The following UGGT1 variants were observed in gnomAD, a reference collection of about 807,000 sequenced individuals.
UGGT1 encodes UDP-glucose:glycoprotein glucosyltransferase 1.
Under a neutral mutation model 203.9 loss-of-function variants are expected in UGGT1, and 107 were observed. The observed-to-expected ratio is 0.52, with a 90% CI of 0.45 to 0.62. The LOEUF (loss-of-function observed/expected upper bound fraction) is 0.62. UGGT1 is among the 20% of genes least tolerant of loss of function. The pLI is 0.00. For synonymous variants in UGGT1, 628 were observed against 653.5 expected, an observed-to-expected ratio of 0.96 and a Z score of 0.59; for missense variants, 1,673 against 1,867.2, an observed-to-expected ratio of 0.90 and a Z score of 1.92.
intron 29 of UGGT1, 34 bp downstream of exon 29, chr2:128,172,796 T>A (rs1471021881): frequency 6.3e-7 from 1 of 1,585,622 alleles, no homozygotes; most frequent in South Asian, 1.1e-5. Flanking sequence ...AAATACCTAA[T>A]CATGTATAAT....
intron 36 of UGGT1, 83 bp from the exon 37 acceptor site, chr2:128,182,047 A>T: frequency 7.0e-7 from 1 of 1,421,272 alleles, no homozygotes; most frequent in Non-Finnish European, 9.7e-7. Flanking sequence ...ATGCTGCCTT[A>T]AGCGAGCCAC....
chr2:128,111,742 G>A (rs1001590738), intron 5 of UGGT1, among the ~76,000 whole-genome samples: 41 of 151,962 alleles, frequency 2.7e-4, no homozygotes, highest in African/African-American at 8.2e-4. Context: ...TGATCCGCCC[G>A]CCTCGGCCTC....
intron 20 of UGGT1, 36 bp from the exon 21 acceptor site, chr2:128,156,356 C>A (rs749751025): frequency 2.6e-6 from 4 of 1,541,338 alleles, no homozygotes; most frequent in African/African-American, 1.4e-5. Flanking sequence ...AGAAATGATA[C>A]TTTTTTTCTA....
chr2:128,168,037 C>A (rs1405154042), intron 26 of UGGT1, among the ~76,000 whole-genome samples: 1 of 152,172 alleles, frequency 6.6e-6, no homozygotes, highest in Non-Finnish European at 1.5e-5. Context: ...ATGCTATTTT[C>A]TAATGAGTTT....
Position 128,194,621 on chromosome 2 carries a change from A to G in UGGT1, c.*4879A>G, listed in dbSNP as rs1349079201. 2.6e-5 allele frequency: 4 copies of G among 152,294 alleles called. No individual in the cohort carries two copies. The highest frequency in any genetic ancestry group is 2.1e-4 in the South Asian group (1 of 4,826). 9.4% of individuals were successfully genotyped at this position (152,294 alleles called of 1,614,324 possible). A position where few individuals can be genotyped will look rare whatever the true frequency, so the allele number is the denominator to read the frequency against. ...TTTAAGTACTTGATTTTATGGGCAC[A>G]TTTTTGTGGGATGATTGGAGTTAAT... On this transcript the variant is annotated 3_prime_UTR_variant, in exon 41 of 41. Coordinates refer to ENST00000259253, the MANE Select transcript of UGGT1 (RefSeq NM_020120.4).
At chr2:128,103,095 G>C (rs1687453164) in intron 2 of UGGT1, 1 of 471,010 alleles carries the variant, frequency 2.1e-6, no homozygotes, top group Non-Finnish European at 4.4e-6. Flanking sequence ...AGTAGAGTGA[G>C]ATTGTACACC....
intron 12 of UGGT1, among the ~76,000 whole-genome samples, chr2:128,128,693 T>C (rs1040752524): frequency 1.3e-5 from 2 of 152,212 alleles, no homozygotes; most frequent in African/African-American, 2.4e-5. Context: ...TGTGGTCATA[T>C]GTTTGCCTCT....
chr2:128,178,663 T>C (rs1691523749), intron 34 of UGGT1, 94 bp downstream of exon 34: 2 of 1,074,538 alleles, frequency 1.9e-6, no homozygotes, highest in Non-Finnish European at 2.7e-6. Context: ...CTGCTCATTA[T>C]ACTCCTGTGT....
At chr2:128,144,578 T>TC (rs1352407316) in intron 17 of UGGT1, among the ~76,000 whole-genome samples, 2 of 152,206 alleles carry the variant, frequency 1.3e-5, no homozygotes, top group African/African-American at 4.8e-5. Context: ...TATGAAATAG[T>TC]CGAGATGTCA....
intron 18 of UGGT1, among the ~76,000 whole-genome samples, chr2:128,149,735 G>A (rs1363823077): frequency 1.3e-5 from 2 of 150,530 alleles, no homozygotes; most frequent in African/African-American, 4.9e-5. Flanking sequence ...AAGTGCAGCC[G>A]AGATTGCGCC....
chr2:128,091,547 T>C, intron 1 of UGGT1, 132 bp downstream of exon 1: 1 of 1,444,502 alleles, frequency 6.9e-7, no homozygotes. Flanking sequence ...TCCTATCCCT[T>C]CCCCTATTCG....
At chr2:128,172,290 A>G (rs1558817735) in intron 28 of UGGT1, among the ~76,000 whole-genome samples, 1 of 152,162 alleles carries the variant, frequency 6.6e-6, no homozygotes, top group East Asian at 1.9e-4. Context: ...GCTGAGTATG[A>G]GCTAGAGTAC....
intron 18 of UGGT1, among the ~76,000 whole-genome samples, chr2:128,150,829 A>G (rs540642548): frequency 1.3e-5 from 2 of 152,146 alleles, no homozygotes; most frequent in East Asian, 3.9e-4. Context: ...CACAAGGCAC[A>G]GCTTACTTGT....
intron 15 of UGGT1, among the ~76,000 whole-genome samples, chr2:128,137,328 G>A (rs1689173151): frequency 6.6e-6 from 1 of 152,206 alleles, no homozygotes; most frequent in Non-Finnish European, 1.5e-5. Flanking sequence ...CTGAAGTGGA[G>A]GATTGTTTGA....
At position 128,152,750 on chromosome 2, in the gene UGGT1, C is replaced by A. The variant is rs60286050; in HGVS notation, c.2017-34C>A. 2.0e-3 allele frequency: 3,116 copies of A among 1,561,134 alleles called. 51 individuals are homozygous for A. In the African/African-American group the frequency reaches 0.033, roughly 17 times the overall value. On this transcript the variant is annotated intron_variant, in intron 18 of 40. Transcript: ENST00000259253. ...TTATTATTGCTAAAATTTGCTTTAC[C>A]CTCCCCCCTCAACCTCCTTTTTTTT...
intron 28 of UGGT1, among the ~76,000 whole-genome samples, chr2:128,172,314 G>A (rs912244978): frequency 2.6e-5 from 4 of 152,104 alleles, no homozygotes; most frequent in Non-Finnish European, 4.4e-5. Flanking sequence ...TTACTAGAAG[G>A]TCATTGCTAC....
intron 26 of UGGT1, among the ~76,000 whole-genome samples, chr2:128,165,282 G>A (rs2104760287): frequency 6.6e-6 from 1 of 152,234 alleles, no homozygotes; most frequent in South Asian, 2.1e-4. Flanking sequence ...AACATTAGCT[G>A]GGTGTGGTGG....
Position 128,091,260 on chromosome 2 carries a change from G to C in UGGT1, c.-98G>C. 1 of 1,282,498 alleles carries C rather than the reference G, an allele frequency of 7.8e-7. No individual in the cohort carries two copies. Among genetic ancestry groups the C allele is most frequent in the Non-Finnish European group, 1.0e-6 (1 of 961,604 alleles). 79.4% of individuals were successfully genotyped at this position (1,282,498 alleles called of 1,614,324 possible). ...TCGAGCCGCGGGAAAGGCGCGTGTC[G>C]GCCTCTCACTGGCGCAGCCTGCACT... is the stretch of plus-strand genomic sequence containing the variant. On this transcript the variant is annotated 5_prime_UTR_variant, in exon 1 of 41. Coordinates refer to ENST00000259253, the MANE Select transcript of UGGT1 (RefSeq NM_020120.4).
rs181880041 is a variant in UGGT1 at position 128,114,230 on chromosome 2, G to A, written c.697-894G>A. 6.2e-3 allele frequency among the ~76,000 whole-genome samples: 946 copies of A among 152,170 alleles called. 8 individuals are homozygous for A. Among genetic ancestry groups the A allele is most frequent in the Middle Eastern group, 0.01 (3 of 294 alleles). ...CCTCCTGAGTTCAAGTGACTCTCCTGCCTCAGCCTCCCGAGTAGCTGGGAT... is the reference window on the plus strand; with the variant it reads ...CCTCCTGAGTTCAAGTGACTCTCCTACCTCAGCCTCCCGAGTAGCTGGGAT... On this transcript the variant is annotated intron_variant, in intron 6 of 40. Coordinates refer to ENST00000259253, the MANE Select transcript of UGGT1 (RefSeq NM_020120.4).
Sources: allele counts gnomAD v4.1 joint callset (sites outside exome capture counted in the v4.1 genomes callset), GRCh38; gene constraint gnomAD v4.1.1; transcripts MANE v1.5; gene names NCBI Gene and HGNC (gene_info 2026-07-23, HGNC 2026-07-21).